The following FAM234B variants were observed in gnomAD, a reference collection of about 807,000 sequenced individuals.
The protein encoded by FAM234B is protein FAM234B.
A neutral mutation model predicts 69.3 loss-of-function variants in FAM234B; 33 were observed. That is an observed-to-expected ratio of 0.48 (90% CI 0.36 to 0.64). The LOEUF (loss-of-function observed/expected upper bound fraction) is 0.64. Among genes scored for constraint, FAM234B ranks in the 30% least tolerant of loss-of-function variants. FAM234B has a pLI of 0.00. For synonymous variants in FAM234B, 306 were observed against 306.9 expected, an observed-to-expected ratio of 1.00 and a Z score of 0.03; for missense variants, 697 against 769.7, an observed-to-expected ratio of 0.91 and a Z score of 1.12.
At chr12:13,080,518 A>G (rs1385231205) in intron 12 of FAM234B, 107 bp from the exon 13 acceptor site, 7 of 906,936 alleles carry the variant, frequency 7.7e-6, no homozygotes, top group Middle Eastern at 3.3e-4. Context: ...GGAGCTAAAG[A>G]AAAGGACGGG....
chr12:13,059,484 T>C (rs536278510), intron 3 of FAM234B, among the ~76,000 whole-genome samples: 1 of 152,266 alleles, frequency 6.6e-6, no homozygotes, highest in South Asian at 2.1e-4. Flanking sequence ...AAAGAAAAAA[T>C]GCGTTCTGAT....
rs1048745037 is a variant in FAM234B at position 13,044,402 on chromosome 12, C to A, written c.-2C>A. 6.4e-7 allele frequency: 1 copy of A among 1,551,600 alleles called. No homozygotes were observed. Among genetic ancestry groups the A allele is most frequent in the Non-Finnish European group, 8.7e-7 (1 of 1,147,478 alleles). On this transcript the variant is annotated 5_prime_UTR_variant, in exon 1 of 13. Transcript: ENST00000197268. This position sits in a 1 kb window ranked among gnomAD's most constrained non-coding sequence, Gnocchi z 5.6. ...GCGCGCACGCGCACCGGGGCCTCAGCCATGGCGACCGTGCTGTCCAGGGCG... is the reference window on the plus strand; with the variant it reads ...GCGCGCACGCGCACCGGGGCCTCAGACATGGCGACCGTGCTGTCCAGGGCG...
At chr12:13,051,606 C>T (rs146526145) in intron 1 of FAM234B, among the ~76,000 whole-genome samples, 1 of 152,260 alleles carries the variant, frequency 6.6e-6, no homozygotes, top group Admixed American at 6.5e-5. Context: ...ATAGCTCTGC[C>T]CTCCCTTTCT....
chr12:13,053,059 A>G (rs1864892187), intron 1 of FAM234B, among the ~76,000 whole-genome samples: 1 of 152,220 alleles, frequency 6.6e-6, no homozygotes, highest in Non-Finnish European at 1.5e-5. Context: ...ACCCCATGGC[A>G]TATTCTGAAA....
chr12:13,061,969 A>T (rs1461351685), intron 4 of FAM234B, among the ~76,000 whole-genome samples: 1 of 149,770 alleles, frequency 6.7e-6, no homozygotes, highest in Non-Finnish European at 1.5e-5. Context: ...TGGTGATAGG[A>T]TGGGGCTGGA....
At chr12:13,058,642 G>A (rs1242544167) in intron 3 of FAM234B, 93 bp downstream of exon 3, 2 of 1,014,050 alleles carry the variant, frequency 2.0e-6, no homozygotes, top group African/African-American at 3.2e-5. Flanking sequence ...TGCAGAGAAG[G>A]ATCTGCAGTG....
Position 13,079,885 on chromosome 12 carries a change from T to G in FAM234B, c.1739T>G (p.Leu580Arg). The G allele has an allele frequency of 6.2e-7, 1 of 1,614,090 alleles. No homozygotes were observed. Among genetic ancestry groups the G allele is most frequent in the Non-Finnish European group, 8.5e-7 (1 of 1,179,980 alleles). Residue 580 changes from leucine to arginine, a missense_variant, in exon 12 of 13, where the codon CTT becomes CGT. Physicochemically the swap from Leu to Arg is moderately radical, Grantham distance 102 (BLOSUM62 -2). This residue lies in a region of FAM234B where 313 missense variants were observed against 305.5 expected (regional missense o/e 1.02). Coordinates refer to ENST00000197268, the MANE Select transcript of FAM234B (RefSeq NM_020853.2). ...CCAGCAGCCCTGGTGGTCAGCAAGC[T>G]TAGTCTACGGTGGGCACTAATGGAG... The part of the protein sequence containing the change: ...GHPAALVVSK[L>R]SLRWALMEGQ...
At chr12:13,078,518 A>C (rs1865188006) in intron 11 of FAM234B, among the ~76,000 whole-genome samples, 2 of 152,204 alleles carry the variant, frequency 1.3e-5, no homozygotes, top group African/African-American at 4.8e-5. Context: ...TATTCAACAT[A>C]GTGTTGGAAG....
chr12:13,078,347 G>A (rs913397235), intron 11 of FAM234B, among the ~76,000 whole-genome samples: 1 of 152,190 alleles, frequency 6.6e-6, no homozygotes, highest in African/African-American at 2.4e-5. Flanking sequence ...CCTTGCCCAT[G>A]CCTATGTCCT....
chr12:13,055,539 C>T lies in FAM234B; in HGVS notation c.38-12C>T. ...CAGTTCCCCTTGACTCTCTGTTTTT[C>T]TGTATTTTCAGGGAAGAAGAGCCCA... On this transcript the variant is annotated splice_polypyrimidine_tract_variant and intron_variant, in intron 1 of 12. Coordinates refer to ENST00000197268, the MANE Select transcript of FAM234B (RefSeq NM_020853.2). 1 of 1,568,968 alleles carries T rather than the reference C, an allele frequency of 6.4e-7. No individual in the cohort carries two copies. Among genetic ancestry groups the T allele is most frequent in the Admixed American group, 1.8e-5 (1 of 55,942 alleles).
intron 9 of FAM234B, among the ~76,000 whole-genome samples, 156 bp from the exon 10 acceptor site, chr12:13,071,085 C>T (rs911173017): frequency 4.6e-5 from 7 of 152,218 alleles, no homozygotes; most frequent in African/African-American, 1.4e-4. Flanking sequence ...AGCCATTATT[C>T]GTGCTCTCGG....
chr12:13,073,094 A>G (rs1175073579), intron 10 of FAM234B, among the ~76,000 whole-genome samples: 1 of 152,136 alleles, frequency 6.6e-6, no homozygotes, highest in Non-Finnish European at 1.5e-5. Context: ...TTTTTCTGCT[A>G]AAGCTTTGGC....
rs72097692 is a variant in FAM234B at position 13,056,978 on chromosome 12, CT to C, written c.433+1049del. On this transcript the variant is annotated intron_variant, in intron 2 of 12. Transcript: ENST00000197268. ...TAATCATGCAGTCTTCTGTGAACTG[CT>C]TTTTTTTTTTTTTTTTGCGACAGAG... Among the ~76,000 whole-genome samples the C allele has an allele frequency of 8.2e-3, 1,066 of 129,426 alleles. 4 individuals are homozygous for C. Among genetic ancestry groups the C allele is most frequent in the African/African-American group, 0.024 (835 of 34,474 alleles). 84.9% of individuals were successfully genotyped at this position (129,426 alleles called of 152,430 possible).
chr12:13,053,194 T>C (rs192507349), intron 1 of FAM234B, among the ~76,000 whole-genome samples: 36 of 152,342 alleles, frequency 2.4e-4, no homozygotes, highest in African/African-American at 8.7e-4. Context: ...ATAGAAATAA[T>C]TTCTAGTTAT....
chr12:13,050,538 C>A lies in FAM234B; in HGVS notation c.38-5013C>A, dbSNP rs561455378. ...TGACCCCAGACTTTGTCTTTCCAAG[C>A]AAGCAATTACTGGTTTGGCTATATT... On this transcript the variant is annotated intron_variant, in intron 1 of 12. Coordinates refer to ENST00000197268, the MANE Select transcript of FAM234B (RefSeq NM_020853.2). Among the ~76,000 whole-genome samples, 4 of 152,232 alleles carry A rather than the reference C, an allele frequency of 2.6e-5. No homozygotes were observed. The South Asian group carries it at 8.3e-4, about 32-fold the overall frequency.
chr12:13,059,408 C>T (rs1236050684), intron 3 of FAM234B, among the ~76,000 whole-genome samples: 1 of 152,184 alleles, frequency 6.6e-6, no homozygotes, highest in Non-Finnish European at 1.5e-5. Context: ...AGAAACCGTC[C>T]ACAACTTACC....
intron 11 of FAM234B, among the ~76,000 whole-genome samples, chr12:13,077,268 T>C (rs1340948187): frequency 1.3e-5 from 2 of 152,130 alleles, no homozygotes; most frequent in Admixed American, 6.5e-5. Context: ...TATTCATTTT[T>C]TAAATTTTAT....
intron 1 of FAM234B, among the ~76,000 whole-genome samples, chr12:13,048,127 G>A (rs140672940): frequency 8.1e-4 from 124 of 152,306 alleles, no homozygotes; most frequent in African/African-American, 2.9e-3. Flanking sequence ...AACTCAGAGC[G>A]CTTGTGTGCT....
At chr12:13,046,728 G>A (rs576960455) in intron 1 of FAM234B, among the ~76,000 whole-genome samples, 5 of 152,198 alleles carry the variant, frequency 3.3e-5, no homozygotes, top group African/African-American at 9.6e-5. Flanking sequence ...CAAAGTGCTG[G>A]GATTACAGGC....
Sources: gnomAD v4.1 joint callset for allele counts (sites outside exome capture counted in the v4.1 genomes callset) on GRCh38, gnomAD v4.1.1 for gene constraint, gnomAD v4.1.1 regional missense constraint, Gnocchi (gnomAD v3.1) non-coding constraint, MANE v1.5 for transcripts, NCBI Gene and HGNC (gene_info 2026-07-23, HGNC 2026-07-21) for gene names.